The following NAF1 variants were observed in gnomAD, a reference collection of about 807,000 sequenced individuals.
NAF1 encodes H/ACA ribonucleoprotein complex non-core subunit NAF1.
A neutral mutation model predicts 40.6 loss-of-function variants in NAF1; 11 were observed. The observed-to-expected ratio is 0.27, with a 90% CI of 0.17 to 0.45. The LOEUF (loss-of-function observed/expected upper bound fraction) is 0.45. Among genes scored for constraint, NAF1 ranks in the 20% least tolerant of loss-of-function variants. NAF1 has a pLI of 1.00. For synonymous variants in NAF1, 260 were observed against 228.5 expected, an observed-to-expected ratio of 1.14 and a Z score of -1.24; for missense variants, 607 against 611.1, an observed-to-expected ratio of 0.99 and a Z score of 0.07.
Position 163,166,803 on chromosome 4 carries a change from A to G in NAF1, c.-76T>C, listed in dbSNP as rs1732502261. 1.3e-6 allele frequency: 2 copies of G among 1,548,710 alleles called. No homozygotes were observed. Among genetic ancestry groups the G allele is most frequent in the East Asian group, 2.3e-5 (1 of 43,474 alleles). Reference sequence around the variant, plus strand: ...GCTCACGGCTCTCTCCAGAAATAGAAAAACAACTTAGGCAACCGCAGCAAC... The same window carrying G: ...GCTCACGGCTCTCTCCAGAAATAGAGAAACAACTTAGGCAACCGCAGCAAC... On this transcript the variant is annotated 5_prime_UTR_variant, in exon 1 of 8. Coordinates refer to ENST00000274054, the MANE Select transcript of NAF1 (RefSeq NM_138386.3).
chr4:163,161,714 T>C (rs1294977380), intron 2 of NAF1, among the ~76,000 whole-genome samples: 5 of 152,188 alleles, frequency 3.3e-5, no homozygotes, highest in African/African-American at 9.6e-5. Flanking sequence ...TCGTACATGA[T>C]ATCACTTCCA....
intron 2 of NAF1, among the ~76,000 whole-genome samples, chr4:163,112,841 TAGAGG>T (rs1730204593): frequency 6.6e-6 from 1 of 152,176 alleles, no homozygotes; most frequent in Non-Finnish European, 1.5e-5. Flanking sequence ...TTGAAGGTTG[TAGAGG>T]AGAGTTATGA....
chr4:163,139,951 T>C (rs772236535), intron 5 of NAF1, among the ~76,000 whole-genome samples: 15 of 152,170 alleles, frequency 9.9e-5, no homozygotes, highest in Middle Eastern at 6.8e-3. Flanking sequence ...TTAAAGAATG[T>C]ACATAATGGA....
intron 7 of NAF1, among the ~76,000 whole-genome samples, chr4:163,132,883 C>A (rs994653474): frequency 1.3e-5 from 2 of 152,150 alleles, no homozygotes; most frequent in Non-Finnish European, 1.5e-5. Context: ...ATCATAAAAT[C>A]CTAAAAATGG....
intron 6 of NAF1, 59 bp from the exon 7 acceptor site, chr4:163,133,315 C>T (rs757258985): frequency 1.0e-5 from 14 of 1,343,076 alleles, no homozygotes; most frequent in Non-Finnish European, 1.5e-5. Flanking sequence ...TTCAATAGTA[C>T]ATACTTGGAG....
intron 5 of NAF1, among the ~76,000 whole-genome samples, chr4:163,138,771 T>G (rs1460884200): frequency 6.6e-6 from 1 of 152,118 alleles, no homozygotes; most frequent in African/African-American, 2.4e-5. Flanking sequence ...TAAAATCTAT[T>G]TAAAAACCAT....
intron 4 of NAF1, among the ~76,000 whole-genome samples, chr4:163,143,683 C>T (rs904728525): frequency 6.6e-6 from 1 of 152,168 alleles, no homozygotes; most frequent in African/African-American, 2.4e-5. Context: ...AGGAACAATG[C>T]TGGCAGGCTG....
chr4:163,116,259 A>C (rs1730334495), intron 2 of NAF1, among the ~76,000 whole-genome samples: 1 of 152,190 alleles, frequency 6.6e-6, no homozygotes, highest in Non-Finnish European at 1.5e-5. Context: ...GAAACCCTTG[A>C]AAATGTGTAG....
At chr4:163,143,719 T>A (rs548714157) in intron 4 of NAF1, among the ~76,000 whole-genome samples, 2 of 152,334 alleles carry the variant, frequency 1.3e-5, no homozygotes, top group South Asian at 4.2e-4. Context: ...AAGGTCTGCA[T>A]GCTGCCACCT....
intron 2 of NAF1, among the ~76,000 whole-genome samples, chr4:163,159,991 C>T (rs1425439294): frequency 6.6e-6 from 1 of 152,100 alleles, no homozygotes. Flanking sequence ...TTTTATGACC[C>T]TACATTTTTA....
chr4:163,105,709 T>C (rs542113387), downstream of NAF1, among the ~76,000 whole-genome samples: 10 of 152,354 alleles, frequency 6.6e-5, no homozygotes, highest in East Asian at 1.9e-3. Context: ...AAATTTGATA[T>C]ACTTCCTTTT....
intron 4 of NAF1, among the ~76,000 whole-genome samples, chr4:163,143,395 C>T (rs929892442): frequency 1.2e-4 from 18 of 152,156 alleles, no homozygotes; most frequent in African/African-American, 3.9e-4. Flanking sequence ...TCCATCCCAG[C>T]GTAGGCTGGG....
rs1732493147 is a variant in NAF1 at position 163,166,679 on chromosome 4, T to C, written c.49A>G (p.Asn17Asp). The C allele has an allele frequency of 7.4e-6, 12 of 1,613,764 alleles. No homozygotes were observed. Among genetic ancestry groups the C allele is most frequent in the Non-Finnish European group, 1.0e-5 (12 of 1,179,996 alleles). Residue 17 changes from asparagine to aspartate, a missense_variant, in exon 1 of 8, where the codon AAT becomes GAT. Physicochemically the swap from Asn to Asp is conservative, Grantham distance 23. This residue lies in a region of NAF1 where 407 missense variants were observed against 365.5 expected (regional missense o/e 1.11). Transcript: ENST00000274054. ...AAAQLETLKF[N>D]GTDFGVGEGP... ...TCCCCAACTCCAAAGTCGGTGCCATTGAATTTCAGAGTTTCCAGCTGAGCG... is the reference window on the plus strand; with the variant it reads ...TCCCCAACTCCAAAGTCGGTGCCATCGAATTTCAGAGTTTCCAGCTGAGCG...
downstream of NAF1, among the ~76,000 whole-genome samples, chr4:163,127,800 A>G (rs1730712281): frequency 6.6e-6 from 1 of 152,186 alleles, no homozygotes; most frequent in South Asian, 2.1e-4. Flanking sequence ...GGCTTGTGCT[A>G]AGTGGTCTCC....
chr4:163,153,095 C>A (rs888751428), intron 2 of NAF1, among the ~76,000 whole-genome samples: 1 of 152,220 alleles, frequency 6.6e-6, no homozygotes, highest in Admixed American at 6.5e-5. Flanking sequence ...GGGCAGGGCT[C>A]GGGACCTGCA....
downstream of NAF1, chr4:163,108,910 G>C (rs1053960629): frequency 6.6e-6 from 1 of 152,064 alleles, no homozygotes; most frequent in Non-Finnish European, 1.5e-5. Context: ...CTTTTCAGGT[G>C]AGTTTCTTAC....
At chr4:163,108,852 A>G (rs1212897245), downstream of NAF1, 1 of 152,154 alleles carries the variant, frequency 6.6e-6, no homozygotes, top group Non-Finnish European at 1.5e-5. Flanking sequence ...TATCTTCTTG[A>G]GAAGCCAGTG....
intron 2 of NAF1, chr4:163,119,443 C>T (rs182893336): frequency 1.3e-5 from 2 of 152,242 alleles, no homozygotes; most frequent in East Asian, 1.9e-4. Context: ...TGGAATCTCC[C>T]GAGAAAAATG....
intron 2 of NAF1, among the ~76,000 whole-genome samples, chr4:163,162,562 CT>C (rs2111058986): frequency 6.6e-6 from 1 of 152,306 alleles, no homozygotes; most frequent in African/African-American, 2.4e-5. Flanking sequence ...CAAACATACA[CT>C]TACACAATTC....
Sources: gnomAD v4.1 joint callset for allele counts (sites outside exome capture counted in the v4.1 genomes callset) on GRCh38, gnomAD v4.1.1 for gene constraint, gnomAD v4.1.1 regional missense constraint, MANE v1.5 for transcripts, NCBI Gene and HGNC (gene_info 2026-07-23, HGNC 2026-07-21) for gene names.